TLN2: variants seen among roughly 807,000 people sequenced by gnomAD.
TLN2 encodes talin 2, also known as talin-2.
Under a neutral mutation model 294.7 loss-of-function variants are expected in TLN2, and 118 were observed. The ratio of observed to expected loss-of-function variants is 0.40; its 90% confidence interval spans 0.34 to 0.47. TLN2 has a LOEUF of 0.47. Ranked by LOEUF, TLN2 falls within the 20% of genes least tolerant of loss-of-function variation. The pLI is 0.84. For synonymous variants in TLN2, 1,431 were observed against 1,304.5 expected (o/e 1.10, Z -2.09); for missense variants, 3,083 against 3,282.2 (o/e 0.94, Z 1.48).
chr15:62,617,118 G>A (rs976328850), intron 2 of TLN2, among the ~76,000 whole-genome samples: 1 of 152,156 alleles, frequency 6.6e-6, no homozygotes, highest in Non-Finnish European at 1.5e-5. Flanking sequence ...TGTTTGGACT[G>A]TCCGTTAAAA....
At chr15:62,693,955 CTTTTTTTTTT>C (rs71131123) in intron 13 of TLN2, among the ~76,000 whole-genome samples, 4 of 94,230 alleles carry the variant, frequency 4.2e-5, no homozygotes, top group African/African-American at 1.6e-4. Flanking sequence ...GATTTTCTTT[CTTTTTTTTTT>C]TTTTTTTTTT....
intron 34 of TLN2, among the ~76,000 whole-genome samples, chr15:62,751,124 GC>G (rs2061916259): frequency 6.6e-6 from 1 of 151,754 alleles, no homozygotes; most frequent in African/African-American, 2.4e-5. Context: ...AACATAAAAG[GC>G]TCCTTAGTGG....
chr15:62,732,991 G>C (rs976504174), intron 28 of TLN2, among the ~76,000 whole-genome samples: 1 of 152,190 alleles, frequency 6.6e-6, no homozygotes, highest in African/African-American at 2.4e-5. Context: ...AGTAGAGAAG[G>C]CTGGGCTGGA....
At chr15:62,564,805 G>T (rs2043246752) in intron 1 of TLN2, among the ~76,000 whole-genome samples, 1 of 151,256 alleles carries the variant, frequency 6.6e-6, no homozygotes. Context: ...TACTGGGGAA[G>T]CTGAGGCAGG....
In TLN2 at chr15:62,755,611, C is replaced by T; in HGVS notation, c.4556C>T (p.Ala1519Val). 3.7e-6 allele frequency: 6 copies of T among 1,614,202 alleles called. No individual in the cohort carries two copies. Among genetic ancestry groups the T allele is most frequent in the Non-Finnish European group, 5.1e-6 (6 of 1,180,022 alleles). Reference sequence around the variant, plus strand: ...TGCCGCATCGCCTCATCCAAGACGGCCAACCCAGTAGCCAAGAGGCACTTC... The same window carrying T: ...TGCCGCATCGCCTCATCCAAGACGGTCAACCCAGTAGCCAAGAGGCACTTC... ...NACRIASSKTANPVAKRHFVQ... is the reference protein window; with the variant it reads ...NACRIASSKTVNPVAKRHFVQ... The change falls in exon 37 of 59, where the codon GCC (alanine) becomes GTC (valine). Residue 1519 changes from alanine to valine, a missense_variant. By Grantham distance (64) the Ala-to-Val change is moderately conservative (BLOSUM62 0). Transcript: ENST00000636159.
At chr15:62,773,940 G>A (rs1363973492) in intron 42 of TLN2, among the ~76,000 whole-genome samples, 1 of 152,148 alleles carries the variant, frequency 6.6e-6, no homozygotes, top group Non-Finnish European at 1.5e-5. Flanking sequence ...GGCGTTTGCA[G>A]TGTAGCCTCT....
intron 54 of TLN2, 23 bp downstream of exon 54, chr15:62,820,633 CTGTCCGA>C: frequency 6.2e-7 from 1 of 1,607,706 alleles, no homozygotes; most frequent in Non-Finnish European, 8.5e-7. Flanking sequence ...TTATGGTTGG[CTGTCCGA>C]TGTCAGTGGG....
chr15:62,452,614 G>C (rs549644849), intron 1 of TLN2, among the ~76,000 whole-genome samples: 3 of 152,174 alleles, frequency 2.0e-5, no homozygotes, highest in African/African-American at 7.2e-5. Context: ...CTTCCCTCCA[G>C]CCCTTGGCAA....
chr15:62,779,992 C>A (rs574431687), intron 43 of TLN2, among the ~76,000 whole-genome samples: 18 of 152,224 alleles, frequency 1.2e-4, no homozygotes, highest in Non-Finnish European at 1.6e-4. Context: ...TGGCCCCAAT[C>A]TCATCTCTGA....
chr15:62,825,813 T>TTATAATA (rs1347923149), intron 54 of TLN2, among the ~76,000 whole-genome samples: 38 of 3,176 alleles, frequency 0.012, no homozygotes, highest in Non-Finnish European at 0.023. Flanking sequence ...ATATATTATA[T>TTATAATA]TATAATATAT....
chr15:62,601,268 C>G (rs1236075362), intron 2 of TLN2, among the ~76,000 whole-genome samples: 1 of 152,144 alleles, frequency 6.6e-6, no homozygotes, highest in African/African-American at 2.4e-5. Flanking sequence ...ATGATACAAC[C>G]CATGGGATAC....
intron 1 of TLN2, among the ~76,000 whole-genome samples, chr15:62,520,638 T>C (rs1041670284): frequency 2.0e-5 from 3 of 152,174 alleles, no homozygotes; most frequent in African/African-American, 7.2e-5. Flanking sequence ...AACTACAGCA[T>C]AGAGACCAAG....
chr15:62,833,416 A>G (rs2141249630), intron 54 of TLN2, 88 bp from the exon 55 acceptor site: 1 of 1,536,552 alleles, frequency 6.5e-7, no homozygotes, highest in Non-Finnish European at 8.8e-7. Context: ...GCAGGTGAAG[A>G]GCCAGGTGAC....
At chr15:62,821,866 T>C (rs1487862593) in intron 54 of TLN2, among the ~76,000 whole-genome samples, 4 of 152,232 alleles carry the variant, frequency 2.6e-5, no homozygotes, top group African/African-American at 9.6e-5. Flanking sequence ...TAATCGTGAA[T>C]GAAAAGTGTA....
chr15:62,640,164 A>G (rs552180490), intron 3 of TLN2: 36 of 455,792 alleles, frequency 7.9e-5, no homozygotes, highest in Non-Finnish European at 1.3e-4. Context: ...TCTTACCTGC[A>G]GAGGAGCTAC....
intron 28 of TLN2, among the ~76,000 whole-genome samples, chr15:62,732,854 T>G (rs1406829617): frequency 6.6e-6 from 1 of 152,082 alleles, no homozygotes; most frequent in South Asian, 2.1e-4. Flanking sequence ...CACAGGACCA[T>G]TGGTAGGAGC....
chr15:62,477,920 G>T (rs1441959055), intron 1 of TLN2, among the ~76,000 whole-genome samples: 3 of 139,060 alleles, frequency 2.2e-5, no homozygotes, highest in Non-Finnish European at 3.1e-5. Context: ...GTGCAGCGGG[G>T]GCAGAGGGGA....
At chr15:62,395,542 A>C (rs2032477057) in intron 1 of TLN2, among the ~76,000 whole-genome samples, 1 of 152,164 alleles carries the variant, frequency 6.6e-6, no homozygotes, top group African/African-American at 2.4e-5. Context: ...TTTCTGTGAA[A>C]GTTTGGAGCA....
intron 3 of TLN2, among the ~76,000 whole-genome samples, chr15:62,618,830 G>A (rs1426573483): frequency 6.6e-6 from 1 of 152,182 alleles, no homozygotes; most frequent in African/African-American, 2.4e-5. Flanking sequence ...AACCTTTTCT[G>A]GCTTTAAGTG....
Sources: gnomAD v4.1 joint callset for allele counts (sites outside exome capture counted in the v4.1 genomes callset) on GRCh38, gnomAD v4.1.1 for gene constraint, MANE v1.5 for transcripts, NCBI Gene and HGNC (gene_info 2026-07-23, HGNC 2026-07-21) for gene names.